The following CLDN10 variants were observed in gnomAD, a reference collection of about 807,000 sequenced individuals.
CLDN10 encodes the protein claudin-10.
CLDN10 carries 15 observed loss-of-function variants against 22.9 expected under a neutral mutation model. The observed-to-expected ratio is 0.65, with a 90% CI of 0.44 to 1.01. The LOEUF is 1.01. CLDN10 is among the 50% of genes least tolerant of loss of function. The pLI is 0.00. For synonymous variants in CLDN10, 114 were observed against 111.4 expected, an observed-to-expected ratio of 1.02 and a Z score of -0.15; for missense variants, 247 against 287.8, an observed-to-expected ratio of 0.86 and a Z score of 1.03.
intron 1 of CLDN10, among the ~76,000 whole-genome samples, chr13:95,555,473 T>C (rs1202130730): frequency 6.6e-6 from 1 of 152,182 alleles, no homozygotes; most frequent in Non-Finnish European, 1.5e-5. Context: ...CTTAGGCCCA[T>C]GGTTCTGTTG....
intron 1 of CLDN10, among the ~76,000 whole-genome samples, chr13:95,447,951 G>T (rs1047539885): frequency 6.6e-6 from 1 of 152,102 alleles, no homozygotes; most frequent in Admixed American, 6.6e-5. Flanking sequence ...CAGCTATGCC[G>T]CCTCTCCCTT....
At chr13:95,434,085 G>A in intron 1 of CLDN10, 1 of 1,569,366 alleles carries the variant, frequency 6.4e-7, no homozygotes, top group Non-Finnish European at 8.8e-7. Flanking sequence ...GAGGTAAAAT[G>A]TACTTTTCCC....
intron 1 of CLDN10, among the ~76,000 whole-genome samples, chr13:95,539,124 C>T (rs549931069): frequency 2.6e-5 from 4 of 152,326 alleles, no homozygotes; most frequent in African/African-American, 7.2e-5. Flanking sequence ...GGTGATCCAC[C>T]CACCTTGGCC....
At chr13:95,572,105 C>T (rs1036889489) in intron 3 of CLDN10, among the ~76,000 whole-genome samples, 5 of 151,938 alleles carry the variant, frequency 3.3e-5, no homozygotes, top group Non-Finnish European at 5.9e-5. Flanking sequence ...TCCAACATGC[C>T]CTGATTTTAA....
intron 1 of CLDN10, among the ~76,000 whole-genome samples, chr13:95,434,821 G>C (rs571799480): frequency 9.2e-5 from 14 of 151,830 alleles, no homozygotes; most frequent in African/African-American, 3.1e-4. Context: ...CTTTATCCTA[G>C]ATTCCTGATA....
chr13:95,526,988 A>C (rs1403302640), intron 1 of CLDN10, among the ~76,000 whole-genome samples: 1 of 152,170 alleles, frequency 6.6e-6, no homozygotes, highest in Non-Finnish European at 1.5e-5. Context: ...CTTTCTGTTC[A>C]GGTGAGGAGG....
chr13:95,474,261 G>A (rs1014504234), intron 1 of CLDN10, among the ~76,000 whole-genome samples: 6 of 152,090 alleles, frequency 3.9e-5, no homozygotes, highest in East Asian at 1.9e-4. Flanking sequence ...CAGATCCCTC[G>A]TATGTGCAGT....
chr13:95,537,294 G>T (rs768908605), intron 1 of CLDN10, among the ~76,000 whole-genome samples: 25 of 152,082 alleles, frequency 1.6e-4, no homozygotes, highest in Non-Finnish European at 2.8e-4. Context: ...GGGGGTTGTT[G>T]GTTATTTGTT....
intron 1 of CLDN10, among the ~76,000 whole-genome samples, chr13:95,512,480 G>C (rs1406061888): frequency 6.6e-6 from 1 of 152,194 alleles, no homozygotes; most frequent in Non-Finnish European, 1.5e-5. Context: ...TTGCCAACAA[G>C]TCTAGGAAGG....
chr13:95,572,246 T>C (rs2043872874), intron 3 of CLDN10, among the ~76,000 whole-genome samples: 1 of 152,160 alleles, frequency 6.6e-6, no homozygotes, highest in Non-Finnish European at 1.5e-5. Context: ...CTCCGATCTT[T>C]CTGAAATGAC....
intron 1 of CLDN10, among the ~76,000 whole-genome samples, chr13:95,532,576 T>A (rs540051585): frequency 2.6e-5 from 4 of 151,884 alleles, no homozygotes; most frequent in African/African-American, 9.7e-5. Context: ...TGAAAAATGG[T>A]GAGGTAATTT....
chr13:95,478,984 A>G (rs1245769089), intron 1 of CLDN10, among the ~76,000 whole-genome samples: 1 of 152,224 alleles, frequency 6.6e-6, no homozygotes, highest in Non-Finnish European at 1.5e-5. Context: ...TCATTTTATT[A>G]GCCAGTGGTT....
intron 1 of CLDN10, among the ~76,000 whole-genome samples, chr13:95,447,093 C>T (rs1198622238): frequency 1.3e-5 from 2 of 152,108 alleles, no homozygotes; most frequent in African/African-American, 2.4e-5. Flanking sequence ...AAATATAGTC[C>T]ATGCATAAAA....
At chr13:95,439,917 C>A (rs1242610183) in intron 1 of CLDN10, among the ~76,000 whole-genome samples, 2 of 128,932 alleles carry the variant, frequency 1.6e-5, no homozygotes, top group Non-Finnish European at 3.5e-5. Flanking sequence ...AAAATATTAA[C>A]CCTTTTTTTT....
At chr13:95,538,061 T>A (rs966183394) in intron 1 of CLDN10, among the ~76,000 whole-genome samples, 2 of 152,138 alleles carry the variant, frequency 1.3e-5, no homozygotes, top group African/African-American at 4.8e-5. Context: ...CAGAAATTTT[T>A]GGTAGAGAAC....
chr13:95,509,720 C>T (rs370057004), intron 1 of CLDN10, among the ~76,000 whole-genome samples: 1 of 152,304 alleles, frequency 6.6e-6, no homozygotes, highest in East Asian at 1.9e-4. Flanking sequence ...GGACTCATCT[C>T]TTTCCCATGA....
intron 1 of CLDN10, among the ~76,000 whole-genome samples, chr13:95,434,290 A>T (rs1222947114): frequency 2.6e-5 from 4 of 152,162 alleles, no homozygotes; most frequent in African/African-American, 9.6e-5. Flanking sequence ...GTGTGACTCC[A>T]AAGGGAAGAG....
intron 1 of CLDN10, among the ~76,000 whole-genome samples, chr13:95,468,900 T>C (rs368453871): frequency 6.6e-6 from 1 of 152,312 alleles, no homozygotes; most frequent in East Asian, 1.9e-4. Context: ...AGAAGGTTTT[T>C]ATTTAACTTC....
chr13:95,495,064 C>A (rs2042914087), intron 1 of CLDN10, among the ~76,000 whole-genome samples: 1 of 150,088 alleles, frequency 6.7e-6, no homozygotes, highest in African/African-American at 2.5e-5. Flanking sequence ...TAGATGGAGT[C>A]TCTCTCTGTT....
Sources: gnomAD v4.1 joint callset for allele counts (sites outside exome capture counted in the v4.1 genomes callset) on GRCh38, gnomAD v4.1.1 for gene constraint, MANE v1.5 for transcripts, NCBI Gene and HGNC (gene_info 2026-07-23, HGNC 2026-07-21) for gene names.